The following ADAMTS6 variants were observed in gnomAD, a reference collection of about 807,000 sequenced individuals.
The protein encoded by ADAMTS6 is ADAM metallopeptidase with thrombospondin type 1 motif 6, also known as A disintegrin and metalloproteinase with thrombospondin motifs 6.
ADAMTS6 carries 23 observed loss-of-function variants against 144.3 expected under a neutral mutation model. The ratio of observed to expected loss-of-function variants is 0.16; its 90% CI spans 0.11 to 0.23. The LOEUF (loss-of-function observed/expected upper bound fraction) is 0.23, where lower values mean the gene tolerates loss of function less well. Among genes scored for constraint, ADAMTS6 ranks in the 10% least tolerant of loss-of-function variants. The pLI is 1.00. For synonymous variants in ADAMTS6, 444 were observed against 457.5 expected (o/e 0.97, Z 0.38); for missense variants, 999 against 1,379.6 (o/e 0.72, Z 4.37).
chr5:65,301,060 G>A (rs190423239), intron 9 of ADAMTS6, among the ~76,000 whole-genome samples: 83 of 152,052 alleles, frequency 5.5e-4, no homozygotes, highest in Non-Finnish European at 9.1e-4. Flanking sequence ...GGTTTTTATC[G>A]TAGCCTCCTT....
chr5:65,317,537 C>G (rs1240968065), intron 9 of ADAMTS6, among the ~76,000 whole-genome samples: 2 of 151,924 alleles, frequency 1.3e-5, no homozygotes, highest in African/African-American at 4.8e-5. Flanking sequence ...GCTAGGCAAC[C>G]AAAGCAAAAA....
intron 7 of ADAMTS6, among the ~76,000 whole-genome samples, chr5:65,440,884 G>T (rs1361568949): frequency 2.6e-5 from 4 of 152,072 alleles, no homozygotes; most frequent in African/African-American, 7.2e-5. Context: ...AGTTTCCAAG[G>T]AACTTAACTG....
intron 10 of ADAMTS6, among the ~76,000 whole-genome samples, chr5:65,293,720 C>T (rs1412133098): frequency 1.3e-5 from 2 of 152,094 alleles, no homozygotes; most frequent in Non-Finnish European, 2.9e-5. Context: ...AGGACAACTG[C>T]AATGGCCTTC....
chr5:65,406,627 G>T (rs1164722191), intron 7 of ADAMTS6, among the ~76,000 whole-genome samples: 1 of 152,022 alleles, frequency 6.6e-6, no homozygotes, highest in Non-Finnish European at 1.5e-5. Flanking sequence ...TTGTGTATTT[G>T]CCAGGCTTTG....
chr5:65,360,191 A>G (rs1749697673), intron 7 of ADAMTS6, among the ~76,000 whole-genome samples: 1 of 152,210 alleles, frequency 6.6e-6, no homozygotes, highest in Admixed American at 6.5e-5. Context: ...GCAGAAGGCA[A>G]ACGGGGAGTG....
intron 7 of ADAMTS6, among the ~76,000 whole-genome samples, chr5:65,344,359 TA>T (rs1213053688): frequency 1.3e-5 from 2 of 151,974 alleles, no homozygotes; most frequent in South Asian, 2.1e-4. Context: ...GTTACATATT[TA>T]TTTACAATAA....
At chr5:65,239,280 G>C (rs1459827030) in intron 15 of ADAMTS6, among the ~76,000 whole-genome samples, 1 of 134,908 alleles carries the variant, frequency 7.4e-6, no homozygotes. Flanking sequence ...AAAAAAAACT[G>C]TGTTCATGAC....
chr5:65,272,715 T>C (rs367879734), intron 12 of ADAMTS6, among the ~76,000 whole-genome samples: 2 of 151,456 alleles, frequency 1.3e-5, no homozygotes, highest in African/African-American at 2.4e-5. Flanking sequence ...AGCTCAGGAG[T>C]TCGAGACCAG....
chr5:65,172,850 G>C lies in ADAMTS6; in HGVS notation c.3069C>G (p.Val1023=). The change falls in exon 23 of 25, where the codon GTC becomes GTG. Residue 1023 remains valine (V), a synonymous_variant. Transcript: ENST00000381055. The stretch of plus-strand genomic sequence containing the variant: ...GCCTTACCTGGCCCCAGTCTCCTGT[G>C]ACCCAGCGAGGAGGAGGGCAGCGGC... The part of the protein sequence containing the change: ...SLGRCPPPRW[V]TGDWGQCSAQ... 6.2e-7 allele frequency: 1 copy of C among 1,614,146 alleles called. No individual in the cohort carries two copies. Among genetic ancestry groups the C allele is most frequent in the Middle Eastern group, 1.6e-4 (1 of 6,062 alleles).
intron 20 of ADAMTS6, among the ~76,000 whole-genome samples, chr5:65,197,776 A>AT (rs2112230240): frequency 6.6e-6 from 1 of 152,334 alleles, no homozygotes; most frequent in African/African-American, 2.4e-5. Flanking sequence ...ACCCCTGTTG[A>AT]TTATACCACT....
At chr5:65,433,398 G>A (rs538743595) in intron 7 of ADAMTS6, among the ~76,000 whole-genome samples, 3 of 152,030 alleles carry the variant, frequency 2.0e-5, no homozygotes, top group South Asian at 2.1e-4. Flanking sequence ...ACAAACAGAC[G>A]GCAAGAGCAG....
Position 65,151,157 on chromosome 5 carries a change from C to T in ADAMTS6, c.*679G>A, listed in dbSNP as rs2111930515. ...GCAGTAACTGATGCACTGCTTTAAA[C>T]TATGCCCCTCATTATTGTTCAGTTT... On this transcript the variant is annotated 3_prime_UTR_variant, in exon 25 of 25. Transcript: ENST00000381055. The T allele has an allele frequency of 6.5e-6, 1 of 152,796 alleles. No individual in the cohort carries two copies. The highest frequency in any genetic ancestry group is 1.9e-4 in the East Asian group (1 of 5,192). The allele number at this position is 152,796 out of a possible 1,614,324, so 9.5% of individuals were successfully genotyped here.
At chr5:65,223,367 C>G (rs1299507557) in intron 18 of ADAMTS6, among the ~76,000 whole-genome samples, 1 of 152,142 alleles carries the variant, frequency 6.6e-6, no homozygotes, top group African/African-American at 2.4e-5. Context: ...ATTCTCTTAA[C>G]AAATTTCAAG....
chr5:65,170,826 G>A, intron 23 of ADAMTS6, 53 bp from the exon 24 acceptor site: 2 of 1,555,842 alleles, frequency 1.3e-6, no homozygotes, highest in South Asian at 1.2e-5. Flanking sequence ...ATTTTCAGGA[G>A]GTAAAAAATA....
At chr5:65,375,453 C>T (rs1751432791) in intron 7 of ADAMTS6, among the ~76,000 whole-genome samples, 1 of 151,514 alleles carries the variant, frequency 6.6e-6, no homozygotes, top group Non-Finnish European at 1.5e-5. Context: ...GGGCGAAGGA[C>T]ATGAACAGAC....
intron 7 of ADAMTS6, among the ~76,000 whole-genome samples, chr5:65,364,272 C>G (rs1750092803): frequency 6.6e-6 from 1 of 152,154 alleles, no homozygotes; most frequent in Non-Finnish European, 1.5e-5. Flanking sequence ...TGACCTCAGC[C>G]TTTTAAGACG....
chr5:65,368,089 T>C (rs991324022), intron 7 of ADAMTS6, among the ~76,000 whole-genome samples: 10 of 152,162 alleles, frequency 6.6e-5, no homozygotes, highest in Non-Finnish European at 7.3e-5. Flanking sequence ...AGGAAAGATT[T>C]AATAAAGATA....
At chr5:65,255,562 T>C (rs1199529524) in intron 14 of ADAMTS6, among the ~76,000 whole-genome samples, 2 of 152,176 alleles carry the variant, frequency 1.3e-5, no homozygotes, top group East Asian at 1.9e-4. Flanking sequence ...GGGACAACTT[T>C]CGTAATACTT....
chr5:65,361,589 T>G (rs921221158), intron 7 of ADAMTS6, among the ~76,000 whole-genome samples: 5 of 152,104 alleles, frequency 3.3e-5, no homozygotes, highest in African/African-American at 9.7e-5. Flanking sequence ...GCCACCAAAT[T>G]CAAGCCAGGA....
Sources: allele counts gnomAD v4.1 joint callset (sites outside exome capture counted in the v4.1 genomes callset), GRCh38; gene constraint gnomAD v4.1.1; transcripts MANE v1.5; gene names NCBI Gene and HGNC (gene_info 2026-07-23, HGNC 2026-07-21).